The following CDK15 variants were observed in gnomAD, a reference collection of about 807,000 sequenced individuals.
The protein encoded by CDK15 is cyclin dependent kinase 15.
In CDK15, 62 loss-of-function variants were observed where a neutral mutation model predicts 60.3. The observed-to-expected ratio is 1.03, with a 90% CI of 0.84 to 1.27. The LOEUF is 1.27. CDK15 is among the 50% of genes most tolerant of loss of function. The pLI is 0.00. For missense variants in CDK15, 541 were observed against 527.8 expected (o/e 1.03, Z -0.25); for synonymous variants, 194 against 195.7 (o/e 0.99, Z 0.07).
intron 3 of CDK15, among the ~76,000 whole-genome samples, chr2:201,810,670 C>G (rs1695716011): frequency 6.6e-6 from 1 of 152,080 alleles, no homozygotes; most frequent in African/African-American, 2.4e-5. Flanking sequence ...CAGCATAACT[C>G]TCCACTCCTT....
chr2:201,826,458 C>CAAAAAAAAAAA (rs373198183), intron 6 of CDK15, among the ~76,000 whole-genome samples: 8 of 78,214 alleles, frequency 1.0e-4, no homozygotes, highest in African/African-American at 4.1e-4. Context: ...GACTGCGTCT[C>CAAAAAAAAAAA]AAAAAAAAAA....
At chr2:201,884,377 C>G (rs901588173) in intron 12 of CDK15, among the ~76,000 whole-genome samples, 1 of 152,080 alleles carries the variant, frequency 6.6e-6, no homozygotes, top group African/African-American at 2.4e-5. Context: ...TACCACAGCC[C>G]CCATTGTTAG....
At chr2:201,872,697 A>C (rs928987560) in intron 11 of CDK15, among the ~76,000 whole-genome samples, 1 of 152,022 alleles carries the variant, frequency 6.6e-6, no homozygotes, top group Non-Finnish European at 1.5e-5. Context: ...CATGGGGGTC[A>C]TGCTTTCCCA....
chr2:201,889,146 T>C (rs1049759793), intron 12 of CDK15: 4 of 985,294 alleles, frequency 4.1e-6, no homozygotes, highest in Non-Finnish European at 4.8e-6. Flanking sequence ...CAAGTTTATT[T>C]CTTCCCTTTG....
rs1553524154 is a variant in CDK15 at position 201,836,191 on chromosome 2, T to TA, written c.851+428_851+429insA. ...ATATTTATATATTATATATATTTTT[T>TA]TATATATATATATATGTATTTTTTT... On this transcript the variant is annotated intron_variant, in intron 8 of 13. Transcript: ENST00000652192. Among the ~76,000 whole-genome samples the TA allele has an allele frequency of 5.3e-3, 562 of 106,960 alleles. 8 individuals carry two copies. The highest frequency in any genetic ancestry group is 0.012 in the African/African-American group (335 of 28,502). 70.2% of individuals were successfully genotyped at this position (106,960 alleles called of 152,430 possible).
chr2:201,891,039 C>T (rs2105848230), intron 13 of CDK15, 112 bp downstream of exon 13: 4 of 583,438 alleles, frequency 6.9e-6, no homozygotes, highest in Non-Finnish European at 1.2e-5. Flanking sequence ...GTTTCTAGTT[C>T]TTCTTCGCCA....
At chr2:201,846,076 A>G (rs1278569378) in intron 8 of CDK15, among the ~76,000 whole-genome samples, 2 of 152,148 alleles carry the variant, frequency 1.3e-5, no homozygotes, top group Non-Finnish European at 2.9e-5. Context: ...AAAGATGAAC[A>G]TTTCCCATTA....
At chr2:201,824,165 T>G (rs1203748617) in intron 6 of CDK15, among the ~76,000 whole-genome samples, 1 of 152,220 alleles carries the variant, frequency 6.6e-6, no homozygotes, top group Non-Finnish European at 1.5e-5. Context: ...TAACTCCCAT[T>G]TTTCCAGTCA....
At chr2:201,824,818 C>CAGTG (rs1696394377) in intron 6 of CDK15, 1 of 650,220 alleles carries the variant, frequency 1.5e-6, no homozygotes, top group African/African-American at 1.9e-5. Context: ...ATCTGAAGGA[C>CAGTG]AGTGTTACAG....
intron 6 of CDK15, 148 bp downstream of exon 6, chr2:201,823,875 C>T (rs1012198628): frequency 6.0e-5 from 38 of 632,242 alleles, no homozygotes; most frequent in African/African-American, 5.8e-4. Flanking sequence ...GTTTTGTTTT[C>T]GTTTTTGTTT....
chr2:201,856,540 A>G (rs1462705649), intron 10 of CDK15, among the ~76,000 whole-genome samples: 1 of 152,224 alleles, frequency 6.6e-6, no homozygotes, highest in Non-Finnish European at 1.5e-5. Context: ...AGATAGAGAA[A>G]AAAGAACAAG....
intron 8 of CDK15, among the ~76,000 whole-genome samples, chr2:201,842,795 A>G (rs1209002145): frequency 6.6e-6 from 1 of 152,236 alleles, no homozygotes; most frequent in Non-Finnish European, 1.5e-5. Context: ...TTGGAACAAT[A>G]AAATGACCCA....
chr2:201,812,723 A>G (rs1695829656), intron 4 of CDK15, among the ~76,000 whole-genome samples, 161 bp downstream of exon 4: 1 of 152,200 alleles, frequency 6.6e-6, no homozygotes, highest in African/African-American at 2.4e-5. Context: ...TTACACTGCT[A>G]TTTTATTACT....
At position 201,865,892 on chromosome 2, in the gene CDK15, CAAAAAAAAAAAAA is replaced by C. The variant is rs35178158; in HGVS notation, c.1010-6371_1010-6359del. On this transcript the variant is annotated intron_variant, in intron 10 of 13. Transcript: ENST00000652192. ...GCGACAGAGCAAGATTCCATCTCAA[CAAAAAAAAAAAAA>C]AAAAAAAAAAAAAAGCTTGGGAAGC... Among the ~76,000 whole-genome samples, 4 of 40,084 alleles carry C rather than the reference CAAAAAAAAAAAAA, an allele frequency of 1.0e-4. 1 individual carries two copies. Among genetic ancestry groups the C allele is most frequent in the African/African-American group, 2.2e-4 (3 of 13,620 alleles). The allele number at this position is 40,084 out of a possible 152,430, so 26.3% of individuals were successfully genotyped here.
intron 6 of CDK15, among the ~76,000 whole-genome samples, chr2:201,826,481 A>AAAT (rs56950171): frequency 6.6e-6 from 1 of 150,858 alleles, no homozygotes; most frequent in East Asian, 1.9e-4. Flanking sequence ...AAAAAAAAAA[A>AAAT]GTTTCAGATC....
chr2:201,838,696 C>T (rs1222624696), intron 8 of CDK15, among the ~76,000 whole-genome samples: 2 of 152,122 alleles, frequency 1.3e-5, no homozygotes, highest in Non-Finnish European at 2.9e-5. Flanking sequence ...TATAAGCCAC[C>T]GTGCCCAACC....
intron 10 of CDK15, 47 bp downstream of exon 10, chr2:201,854,984 A>C (rs1698084444): frequency 6.3e-7 from 1 of 1,576,206 alleles, no homozygotes; most frequent in Admixed American, 1.7e-5. Flanking sequence ...TAGTAATGTA[A>C]GGAGAGCATT....
At chr2:201,810,384 A>AAT (rs576273285) in intron 3 of CDK15, among the ~76,000 whole-genome samples, 38 of 151,790 alleles carry the variant, frequency 2.5e-4, no homozygotes, top group Non-Finnish European at 5.0e-4. Flanking sequence ...AAAAAAAAAA[A>AAT]GAAGATGAAA....
chr2:201,809,197 G>A (rs1027596100), intron 3 of CDK15, among the ~76,000 whole-genome samples: 2 of 152,110 alleles, frequency 1.3e-5, no homozygotes, highest in African/African-American at 2.4e-5. Context: ...GGCTCGGAAC[G>A]GGGGCACCCT....
Sources: gnomAD v4.1 joint callset for allele counts (sites outside exome capture counted in the v4.1 genomes callset) on GRCh38, gnomAD v4.1.1 for gene constraint, MANE v1.5 for transcripts, NCBI Gene and HGNC (gene_info 2026-07-23, HGNC 2026-07-21) for gene names.